The following PCDHA12 variants were observed in gnomAD, a reference collection of about 807,000 sequenced individuals.
PCDHA12 encodes the protein protocadherin alpha 12, also known as protocadherin alpha-12.
A neutral mutation model predicts 60.0 loss-of-function variants in PCDHA12; 44 were observed. The observed-to-expected ratio is 0.73, with a 90% CI of 0.58 to 0.94. The LOEUF is 0.94. PCDHA12 is among the 40% of genes least tolerant of loss of function. The probability of loss-of-function intolerance (pLI) is 0.00; values close to 1 mark genes in which losing one functional copy is unlikely to be tolerated. For missense variants in PCDHA12, 1,276 were observed against 1,239.7 expected, an observed-to-expected ratio of 1.03 and a Z score of -0.44; for synonymous variants, 569 against 553.0, an observed-to-expected ratio of 1.03 and a Z score of -0.40.
At chr5:140,956,594 T>C (rs2095295015) in intron 1 of PCDHA12, among the ~76,000 whole-genome samples, 1 of 152,210 alleles carries the variant, frequency 6.6e-6, no homozygotes, top group Non-Finnish European at 1.5e-5. Flanking sequence ...TTATCAGGGA[T>C]ATCAGCTGGA....
At chr5:141,003,245 A>T (rs1554258962) in intron 3 of PCDHA12, among the ~76,000 whole-genome samples, 1 of 152,216 alleles carries the variant, frequency 6.6e-6, no homozygotes, top group African/African-American at 2.4e-5. Context: ...TTTGCCAAAA[A>T]GATTCCTGGG....
At chr5:140,967,885 A>G in intron 1 of PCDHA12, 1 of 1,614,134 alleles carries the variant, frequency 6.2e-7, no homozygotes, top group South Asian at 1.1e-5. Context: ...TGTATAGCCC[A>G]GTGCCTGAGA....
At chr5:140,964,862 A>G (rs560839818) in intron 1 of PCDHA12, among the ~76,000 whole-genome samples, 1 of 152,316 alleles carries the variant, frequency 6.6e-6, no homozygotes, top group South Asian at 2.1e-4. Context: ...GGAAACAAAG[A>G]GGACAAATAA....
intron 1 of PCDHA12, chr5:140,967,908 A>T (rs554849478): frequency 6.2e-7 from 1 of 1,614,138 alleles, no homozygotes; most frequent in Non-Finnish European, 8.5e-7. Context: ...GCTACACCCA[A>T]CACCATTGTG....
Position 140,876,705 on chromosome 5 carries a change from C to A in PCDHA12, c.1233C>A (p.Ser411Arg), listed in dbSNP as rs369536692. ...ATTACTACTCGTTGGTGCTGGACAG[C>A]GCCCTGGACCGCGAGAGCGTGTCGG... ...YKNYYSLVLD[S>R]ALDRESVSAY... Residue 411 changes from serine to arginine, a missense_variant, in exon 1 of 4, where the codon AGC becomes AGA. Ser to Arg is a moderately radical substitution (Grantham distance 110). Transcript: ENST00000398631. 2 of 1,614,122 alleles carry A rather than the reference C, an allele frequency of 1.2e-6. No homozygotes were observed. The highest frequency in any genetic ancestry group is 1.7e-6 in the Non-Finnish European group (2 of 1,180,060).
chr5:140,966,957 C>T lies in PCDHA12; in HGVS notation c.2368-11992C>T, dbSNP rs868948639. 4 of 1,602,884 alleles carry T rather than the reference C, an allele frequency of 2.5e-6. No individual in the cohort carries two copies. The African/African-American group carries it at 4.0e-5, about 16-fold the overall frequency. ...GCGCTCGTGGGCAACGTGGCTCGCG[C>T]GCTGGGGCTTGAGCTGCGGCGCTTG... On this transcript the variant is annotated intron_variant, in intron 1 of 3. Transcript: ENST00000398631.
chr5:140,997,087 T>C (rs1218654416), intron 3 of PCDHA12, among the ~76,000 whole-genome samples: 4 of 152,156 alleles, frequency 2.6e-5, no homozygotes, highest in Non-Finnish European at 5.9e-5. Flanking sequence ...GAGTAGAAAG[T>C]GCAGAGTTCT....
intron 1 of PCDHA12, chr5:140,968,662 C>CT (rs781816838): frequency 1.2e-6 from 2 of 1,614,158 alleles, no homozygotes; most frequent in South Asian, 2.2e-5. Context: ...ACCTGGACCT[C>CT]TTTAAGGTAG....
chr5:140,952,072 A>G (rs1433517410), intron 1 of PCDHA12, among the ~76,000 whole-genome samples: 1 of 152,112 alleles, frequency 6.6e-6, no homozygotes, highest in Non-Finnish European at 1.5e-5. Context: ...AATAATCTTC[A>G]TTGACTCCAT....
chr5:140,944,470 A>G (rs1245262998), intron 1 of PCDHA12, among the ~76,000 whole-genome samples: 1 of 152,166 alleles, frequency 6.6e-6, no homozygotes, highest in East Asian at 1.9e-4. Flanking sequence ...TACAGGTATG[A>G]GGCACTGGAC....
At chr5:140,926,409 C>G (rs1426750263) in intron 1 of PCDHA12, 3 of 152,670 alleles carry the variant, frequency 2.0e-5, no homozygotes, top group Admixed American at 6.5e-5. Context: ...CAGCAATCTG[C>G]GGGCAGAGGA....
intron 2 of PCDHA12, among the ~76,000 whole-genome samples, chr5:140,980,777 A>C (rs2096905451): frequency 6.6e-6 from 1 of 152,244 alleles, no homozygotes; most frequent in Non-Finnish European, 1.5e-5. Flanking sequence ...ATTGAAATTA[A>C]AATGCCATTT....
At chr5:140,909,868 G>A (rs782144709) in intron 1 of PCDHA12, among the ~76,000 whole-genome samples, 9 of 152,136 alleles carry the variant, frequency 5.9e-5, no homozygotes, top group Non-Finnish European at 8.8e-5. Flanking sequence ...TGGAGTCAAC[G>A]TCAGCTTAGA....
chr5:140,898,206 T>G (rs1554187858), intron 1 of PCDHA12, among the ~76,000 whole-genome samples: 2 of 152,214 alleles, frequency 1.3e-5, no homozygotes. Context: ...AGATCCCATT[T>G]GTCAATTTTG....
chr5:140,982,917 C>T (rs2097016226), intron 3 of PCDHA12, among the ~76,000 whole-genome samples: 1 of 151,626 alleles, frequency 6.6e-6, no homozygotes, highest in Non-Finnish European at 1.5e-5. Context: ...ACAGAGATGA[C>T]ACTGTTAACA....
At chr5:140,910,523 T>TC (rs2153515069) in intron 1 of PCDHA12, among the ~76,000 whole-genome samples, 1 of 152,338 alleles carries the variant, frequency 6.6e-6, no homozygotes, top group African/African-American at 2.4e-5. Flanking sequence ...ATGCAGGTAC[T>TC]CCCCTCACAA....
chr5:140,967,257 G>A (rs782706939), intron 1 of PCDHA12: 2 of 1,613,486 alleles, frequency 1.2e-6, no homozygotes, highest in East Asian at 2.2e-5. Flanking sequence ...GTGGCGCCTG[G>A]AGCGCGCTTT....
At chr5:140,964,634 T>C (rs2095845045) in intron 1 of PCDHA12, among the ~76,000 whole-genome samples, 1 of 151,918 alleles carries the variant, frequency 6.6e-6, no homozygotes, top group Non-Finnish European at 1.5e-5. Flanking sequence ...AGCCATTTAT[T>C]TTCAGAAACA....
intron 1 of PCDHA12, among the ~76,000 whole-genome samples, chr5:140,916,270 G>A (rs1487301756): frequency 1.3e-5 from 2 of 152,180 alleles, no homozygotes; most frequent in Admixed American, 1.3e-4. Flanking sequence ...GAGCATGCTT[G>A]TTGCTCTACT....
Sources: allele counts gnomAD v4.1 joint callset (sites outside exome capture counted in the v4.1 genomes callset), GRCh38; gene constraint gnomAD v4.1.1; transcripts MANE v1.5; gene names NCBI Gene and HGNC (gene_info 2026-07-23, HGNC 2026-07-21).